Variants in RBPJ observed in about 807,000 individuals in gnomAD.
RBPJ encodes the protein recombination signal binding protein for immunoglobulin kappa J region, also known as recombining binding protein suppressor of hairless.
Under a neutral mutation model 67.8 loss-of-function variants are expected in RBPJ, and 9 were observed. The ratio of observed to expected loss-of-function variants is 0.13; its 90% CI spans 0.08 to 0.23. The LOEUF (loss-of-function observed/expected upper bound fraction) is 0.23, where lower values mean the gene tolerates loss of function less well. RBPJ is among the 10% of genes least tolerant of loss of function. The pLI, the probability that RBPJ is intolerant of heterozygous loss-of-function variation, is 1.00. For synonymous variants in RBPJ, 198 were observed against 203.3 expected (o/e 0.97, Z 0.22); for missense variants, 305 against 595.6 (o/e 0.51, Z 5.08).
intron 1 of RBPJ, among the ~76,000 whole-genome samples, chr4:26,367,119 T>C (rs1266688507): frequency 3.3e-5 from 5 of 151,850 alleles, no homozygotes; most frequent in African/African-American, 1.2e-4. Context: ...TGTGAGACTC[T>C]GTTTCAAAAA....
At chr4:26,370,497 CAATT>C (rs1305064697) in intron 1 of RBPJ, among the ~76,000 whole-genome samples, 1 of 152,122 alleles carries the variant, frequency 6.6e-6, no homozygotes, top group African/African-American at 2.4e-5. Flanking sequence ...ATTTTCCAAT[CAATT>C]AGTTTTAGAC....
intron 1 of RBPJ, among the ~76,000 whole-genome samples, chr4:26,286,079 G>A (rs982172845): frequency 3.1e-5 from 2 of 65,376 alleles, no homozygotes; most frequent in Admixed American, 3.4e-4. Context: ...TCCAGTCTGG[G>A]CGGCAGAGTG....
intron 1 of RBPJ, among the ~76,000 whole-genome samples, chr4:26,329,070 C>T (rs924450802): frequency 2.4e-4 from 36 of 152,122 alleles, no homozygotes; most frequent in African/African-American, 8.0e-4. Context: ...CTTGGCTCAC[C>T]GCAACATATG....
chr4:26,276,535 T>C (rs1721093474), intron 1 of RBPJ, among the ~76,000 whole-genome samples: 1 of 152,194 alleles, frequency 6.6e-6, no homozygotes. Context: ...TGAAATGCAA[T>C]CTATGGAAAA....
intron 1 of RBPJ, among the ~76,000 whole-genome samples, chr4:26,331,841 C>T (rs936218091): frequency 6.6e-6 from 1 of 152,112 alleles, no homozygotes. Flanking sequence ...TGGCTGTTTC[C>T]ACAGCCTCTG....
At position 26,434,032 on chromosome 4, in the gene RBPJ, A is replaced by G. The variant is rs1481608998; in HGVS notation, c.*3025A>G. On this transcript the variant is annotated 3_prime_UTR_variant, in exon 11 of 11. Transcript: ENST00000355476. Reference sequence around the variant, plus strand: ...TGAGTCTCTGATCCAATATGTTTTTATTTGTTCCATTTAATTTATCACATA... The same window carrying G: ...TGAGTCTCTGATCCAATATGTTTTTGTTTGTTCCATTTAATTTATCACATA... 6.6e-6 allele frequency: 1 copy of G among 152,172 alleles called. No homozygotes were observed. Among genetic ancestry groups the G allele is most frequent in the Non-Finnish European group, 1.5e-5 (1 of 68,012 alleles). 9.4% of individuals were successfully genotyped at this position (152,172 alleles called of 1,614,324 possible). A position where few individuals can be genotyped will look rare whatever the true frequency, so the allele number is the denominator to read the frequency against.
At chr4:26,124,786 A>C in the RBPJ span, among the ~76,000 whole-genome samples, 1 of 152,090 alleles carries the variant, frequency 6.6e-6, no homozygotes. Context: ...TGTTTACATC[A>C]GCATTACCAC....
At chr4:26,383,687 C>T (rs1029110625) in intron 1 of RBPJ, among the ~76,000 whole-genome samples, 6 of 152,064 alleles carry the variant, frequency 3.9e-5, no homozygotes, top group Non-Finnish European at 8.8e-5. Flanking sequence ...TTATTGTAAT[C>T]GTATGCTACA....
At chr4:26,361,275 T>C (rs1728036178) in intron 1 of RBPJ, among the ~76,000 whole-genome samples, 2 of 152,302 alleles carry the variant, frequency 1.3e-5, no homozygotes, top group South Asian at 4.1e-4. Flanking sequence ...TATATATAAT[T>C]CTGTCGCCAT....
intron 1 of RBPJ, among the ~76,000 whole-genome samples, chr4:26,166,905 G>A (rs555480696): frequency 1.3e-5 from 2 of 152,276 alleles, no homozygotes; most frequent in African/African-American, 4.8e-5. Flanking sequence ...AAGGTGTAAG[G>A]AAGAGATCCA....
At chr4:26,150,957 C>T in the RBPJ span, among the ~76,000 whole-genome samples, 680 of 152,270 alleles carry the variant, frequency 4.5e-3, 2 homozygotes, top group Middle Eastern at 0.017. Flanking sequence ...TCTTTATTTA[C>T]GGATATACTG....
the RBPJ span, among the ~76,000 whole-genome samples, chr4:26,108,541 T>G: frequency 6.6e-6 from 1 of 152,238 alleles, no homozygotes; most frequent in Non-Finnish European, 1.5e-5. Context: ...ACTTACAAGC[T>G]GCATGGTTTC....
chr4:26,287,392 A>G (rs1721502168), intron 1 of RBPJ, among the ~76,000 whole-genome samples: 1 of 151,442 alleles, frequency 6.6e-6, no homozygotes, highest in Admixed American at 6.6e-5. Context: ...AAAGTAAAAA[A>G]TATAATAACA....
chr4:26,310,278 A>C (rs1283914996), intron 1 of RBPJ, among the ~76,000 whole-genome samples: 1 of 152,192 alleles, frequency 6.6e-6, no homozygotes, highest in Non-Finnish European at 1.5e-5. Flanking sequence ...CACTCTTTCA[A>C]TTTCCTATAC....
At chr4:26,299,587 A>G (rs2109297926) in intron 1 of RBPJ, among the ~76,000 whole-genome samples, 1 of 151,510 alleles carries the variant, frequency 6.6e-6, no homozygotes, top group Middle Eastern at 3.4e-3. Flanking sequence ...TATAAATTGT[A>G]TTAAGTTTAT....
At chr4:26,162,730 TCATCC>T (rs1056053348), upstream of RBPJ, among the ~76,000 whole-genome samples, 27 of 152,214 alleles carry the variant, frequency 1.8e-4, no homozygotes, top group African/African-American at 6.5e-4. Flanking sequence ...GCACATGTCC[TCATCC>T]CATGCTGCAC....
upstream of RBPJ, among the ~76,000 whole-genome samples, chr4:26,316,595 A>AATATGTATATACACATATTG (rs1722642193): frequency 8.2e-6 from 1 of 121,480 alleles, no homozygotes; most frequent in African/African-American, 3.6e-5. Flanking sequence ...TCATATATAT[A>AATATGTATATACACATATTG]ATATATATAT....
At chr4:26,196,530 T>C (rs1396824284) in intron 1 of RBPJ, among the ~76,000 whole-genome samples, 1 of 152,204 alleles carries the variant, frequency 6.6e-6, no homozygotes, top group Non-Finnish European at 1.5e-5. Flanking sequence ...TGCCTGAGAA[T>C]CATAACAAAC....
chr4:26,175,113 T>TAAAGTACTAAAGG (rs1716747766), intron 1 of RBPJ, among the ~76,000 whole-genome samples: 1 of 152,194 alleles, frequency 6.6e-6, no homozygotes, highest in Non-Finnish European at 1.5e-5. Flanking sequence ...TTCTAATGCC[T>TAAAGTACTAAAGG]GAACTAAAGG....
Sources: allele counts gnomAD v4.1 joint callset (sites outside exome capture counted in the v4.1 genomes callset), GRCh38; gene constraint gnomAD v4.1.1; transcripts MANE v1.5; gene names NCBI Gene and HGNC (gene_info 2026-07-23, HGNC 2026-07-21).